RFT1: variants seen among roughly 807,000 people sequenced by gnomAD.
RFT1 encodes man(5)GlcNAc(2)-PP-dolichol translocation protein RFT1.
A neutral mutation model predicts 62.2 loss-of-function variants in RFT1; 43 were observed. That is an observed-to-expected ratio of 0.69 (90% CI 0.54 to 0.89). RFT1 has a LOEUF of 0.89. Among genes scored for constraint, RFT1 ranks in the 40% least tolerant of loss-of-function variants. The probability of loss-of-function intolerance (pLI) is 0.00; values close to 1 mark genes in which losing one functional copy is unlikely to be tolerated. For missense variants in RFT1, 605 were observed against 649.9 expected (o/e 0.93, Z 0.75); for synonymous variants, 262 against 264.6 (o/e 0.99, Z 0.10).
the RFT1 span, among the ~76,000 whole-genome samples, chr3:53,072,633 G>A: frequency 2.0e-5 from 3 of 152,212 alleles, no homozygotes; most frequent in African/African-American, 7.2e-5. Flanking sequence ...CTCAGGGCTG[G>A]GCTCCCAGGA....
At chr3:53,120,470 T>C (rs1246119806) in intron 5 of RFT1, among the ~76,000 whole-genome samples, 1 of 152,184 alleles carries the variant, frequency 6.6e-6, no homozygotes, top group African/African-American at 2.4e-5. Flanking sequence ...CCTGTGCCAT[T>C]AATGATTACA....
chr3:53,098,501 C>A (rs749790323), intron 11 of RFT1, among the ~76,000 whole-genome samples: 6 of 152,028 alleles, frequency 3.9e-5, no homozygotes, highest in Non-Finnish European at 8.8e-5. Flanking sequence ...GTTACAGAGG[C>A]AGCATGAAAA....
chr3:53,107,372 C>G (rs935943010), intron 7 of RFT1, among the ~76,000 whole-genome samples: 2 of 151,972 alleles, frequency 1.3e-5, no homozygotes, highest in Admixed American at 1.3e-4. Flanking sequence ...CTCCTGACCT[C>G]GTGATCTGCC....
chr3:53,084,701 T>C (rs374016832), downstream of RFT1, among the ~76,000 whole-genome samples: 1 of 152,358 alleles, frequency 6.6e-6, no homozygotes, highest in African/African-American at 2.4e-5. Flanking sequence ...TTCAGGTCTC[T>C]TTCCCACTGA....
chr3:53,103,227 G>A, intron 10 of RFT1: 4 of 985,378 alleles, frequency 4.1e-6, no homozygotes, highest in Non-Finnish European at 4.8e-6. Flanking sequence ...TATTGAGATG[G>A]GGCAGCAGAA....
chr3:53,100,665 G>A (rs892185531), intron 10 of RFT1, among the ~76,000 whole-genome samples: 3 of 152,176 alleles, frequency 2.0e-5, no homozygotes, highest in Non-Finnish European at 2.9e-5. Flanking sequence ...TATGCCAAAT[G>A]CAAGAGCGCA....
intron 11 of RFT1, among the ~76,000 whole-genome samples, chr3:53,094,895 T>C (rs1701099184): frequency 1.3e-5 from 2 of 152,078 alleles, no homozygotes; most frequent in East Asian, 1.9e-4. Context: ...TGCTGAACTT[T>C]CCAGAATTCA....
the RFT1 span, among the ~76,000 whole-genome samples, chr3:53,082,810 G>A: frequency 2.0e-5 from 3 of 152,194 alleles, no homozygotes; most frequent in Non-Finnish European, 4.4e-5. Flanking sequence ...GGGTGGGGGT[G>A]GGGAAGTATA....
At chr3:53,098,791 G>C (rs1237136196) in intron 11 of RFT1, among the ~76,000 whole-genome samples, 1 of 97,482 alleles carries the variant, frequency 1.0e-5, no homozygotes, top group African/African-American at 3.9e-5. Context: ...GACAGAGCGA[G>C]ACTCCATCTC....
At chr3:53,129,689 T>TTGTCCAAGATCACATA (rs1358518817) in intron 1 of RFT1, among the ~76,000 whole-genome samples, 1 of 152,166 alleles carries the variant, frequency 6.6e-6, no homozygotes, top group Non-Finnish European at 1.5e-5. Context: ...GGGAAGTGAC[T>TTGTCCAAGATCACATA]TGTCCAAGAT....
At chr3:53,100,279 A>G (rs1312364170) in intron 10 of RFT1, among the ~76,000 whole-genome samples, 1 of 152,260 alleles carries the variant, frequency 6.6e-6, no homozygotes, top group Non-Finnish European at 1.5e-5. Flanking sequence ...AAAGTAATGC[A>G]GTTCTATAGC....
the RFT1 span, among the ~76,000 whole-genome samples, chr3:53,081,706 T>C: frequency 6.6e-6 from 1 of 152,170 alleles, no homozygotes; most frequent in Non-Finnish European, 1.5e-5. Flanking sequence ...GCCCCAACAG[T>C]CAGGGACCCT....
At position 53,130,396 on chromosome 3, in the gene RFT1, C is replaced by T. The variant is rs185366134; in HGVS notation, c.5G>A (p.Gly2Asp). Reference sequence around the variant, plus strand: ...CGCGTGGCCCAGCACCTCCTGGCTGCCCATAGCCTCCGCGCCAGGCTCAGA... The same window carrying T: ...CGCGTGGCCCAGCACCTCCTGGCTGTCCATAGCCTCCGCGCCAGGCTCAGA... MGSQEVLGHAAR... is the reference protein window; with the variant it reads MDSQEVLGHAAR... The change falls in exon 1 of 13, where the codon GGC becomes GAC. Residue 2 changes from glycine to aspartate, a missense_variant. Physicochemically the swap from Gly to Asp is moderately conservative, Grantham distance 94. Transcript: ENST00000296292. 2.5e-3 allele frequency: 3,823 copies of T among 1,553,694 alleles called. 6 individuals are homozygous for T. The highest frequency in any genetic ancestry group is 2.9e-3 in the Non-Finnish European group (3,337 of 1,148,712).
chr3:53,111,837 C>T lies in RFT1; in HGVS notation c.768G>A (p.Leu256=). The change falls in exon 7 of 13, where the codon TTG becomes TTA. Residue 256 remains leucine, a synonymous_variant. Transcript: ENST00000296292. ...GAGTGACCGTCTACTTACCTTCTGT[C>T]AAAATCTGTTTCAAGAAAGACTGTT... ...FFKQSFLKQI[L]TEGERYVMTF... 1 of 1,613,716 alleles carries T rather than the reference C, an allele frequency of 6.2e-7. No individual in the cohort carries two copies. The highest frequency in any genetic ancestry group is 8.5e-7 in the Non-Finnish European group (1 of 1,179,648).
At chr3:53,122,620 T>G in intron 3 of RFT1, 57 bp from the exon 4 acceptor site, 1 of 1,152,462 alleles carries the variant, frequency 8.7e-7, no homozygotes, top group Non-Finnish European at 1.2e-6. Context: ...AAATATATAT[T>G]AAAATAGTAA....
downstream of RFT1, among the ~76,000 whole-genome samples, chr3:53,087,526 A>T (rs535138714): frequency 3.6e-4 from 53 of 147,524 alleles, no homozygotes; most frequent in Admixed American, 8.8e-4. Context: ...TCAGGAAATA[A>T]TTTTTTTTTT....
At position 53,091,789 on chromosome 3, in the gene RFT1, G is replaced by A. The variant is rs540094410; in HGVS notation, c.*114C>T. Reference sequence around the variant, plus strand: ...CACTCTCTGGTGCCTCATCTCTGGGGTTGCTGTCACTCCGCTGCAGAGCCC... The same window carrying A: ...CACTCTCTGGTGCCTCATCTCTGGGATTGCTGTCACTCCGCTGCAGAGCCC... On this transcript the variant is annotated 3_prime_UTR_variant, in exon 13 of 13. Transcript: ENST00000296292. 5.3e-6 allele frequency: 6 copies of A among 1,132,608 alleles called. No homozygotes were observed. In the African/African-American group the frequency reaches 9.0e-5, roughly 17 times the overall value. The allele number at this position is 1,132,608 out of a possible 1,614,324, so 70.2% of individuals were successfully genotyped here.
chr3:53,069,717 CA>C, the RFT1 span, among the ~76,000 whole-genome samples: 1 of 152,284 alleles, frequency 6.6e-6, no homozygotes, highest in East Asian at 1.9e-4. Flanking sequence ...CCCTGCCCCC[CA>C]GCTCAGCAAT....
chr3:53,102,628 G>A (rs1701350409), intron 10 of RFT1, among the ~76,000 whole-genome samples: 1 of 152,282 alleles, frequency 6.6e-6, no homozygotes, highest in South Asian at 2.1e-4. Flanking sequence ...TTAAATGCAG[G>A]GCTAATCCCA....
Sources: allele counts gnomAD v4.1 joint callset (sites outside exome capture counted in the v4.1 genomes callset), GRCh38; gene constraint gnomAD v4.1.1; transcripts MANE v1.5; gene names NCBI Gene and HGNC (gene_info 2026-07-23, HGNC 2026-07-21).